PAQR5: variants seen among roughly 807,000 people sequenced by gnomAD.
The protein encoded by PAQR5 is progestin and adipoQ receptor family member 5.
In PAQR5, 20 loss-of-function variants were observed where a neutral mutation model predicts 34.5. The ratio of observed to expected loss-of-function variants is 0.58; its 90% CI spans 0.41 to 0.84. The LOEUF (loss-of-function observed/expected upper bound fraction) is 0.84. Ranked by LOEUF, PAQR5 falls within the 40% of genes least tolerant of loss-of-function variation. The pLI, the probability that PAQR5 is intolerant of heterozygous loss-of-function variation, is 0.00. For synonymous variants in PAQR5, 131 were observed against 155.6 expected, an observed-to-expected ratio of 0.84 and a Z score of 1.18; for missense variants, 378 against 412.7, an observed-to-expected ratio of 0.92 and a Z score of 0.73.
chr15:69,361,837 G>C (rs550863524), intron 3 of PAQR5, among the ~76,000 whole-genome samples: 6 of 152,260 alleles, frequency 3.9e-5, no homozygotes, highest in African/African-American at 1.4e-4. Context: ...ATCAGGGAAG[G>C]CTTCATGAAG....
intron 3 of PAQR5, among the ~76,000 whole-genome samples, chr15:69,377,695 C>T (rs1373514320): frequency 6.6e-6 from 1 of 151,048 alleles, no homozygotes; most frequent in African/African-American, 2.4e-5. Flanking sequence ...AGAGCTGTGA[C>T]CCAGGGCTTC....
chr15:69,316,301 G>C (rs748259435), intron 1 of PAQR5, among the ~76,000 whole-genome samples: 3 of 152,100 alleles, frequency 2.0e-5, no homozygotes, highest in Non-Finnish European at 4.4e-5. Context: ...GGCTGATCTG[G>C]AGCTCCTGAC....
intron 7 of PAQR5, among the ~76,000 whole-genome samples, chr15:69,398,642 C>G (rs2056529691): frequency 6.6e-6 from 1 of 152,186 alleles, no homozygotes; most frequent in African/African-American, 2.4e-5. Context: ...TGTGCTCTGC[C>G]TCTGTGGGTC....
At chr15:69,306,908 C>G (rs2053729651) in intron 1 of PAQR5, among the ~76,000 whole-genome samples, 1 of 152,092 alleles carries the variant, frequency 6.6e-6, no homozygotes, top group Non-Finnish European at 1.5e-5. Context: ...CTTGAGTACT[C>G]TAGATACCTC....
rs1168953195 is a variant in PAQR5 at position 69,300,764 on chromosome 15, TCCTC to T, written c.-277+1717_-277+1720del. On this transcript the variant is annotated intron_variant, in intron 1 of 8. Coordinates refer to ENST00000395407, the MANE Select transcript of PAQR5 (RefSeq NM_017705.4). ...TCTTTCTTTCATTCTTTCTCTTCCT[TCCTC>T]CCTCCCTCTCTCTCTCTCTTTCTTT... is the stretch of plus-strand genomic sequence containing the variant. Among the ~76,000 whole-genome samples, 4 of 32,366 alleles carry T rather than the reference TCCTC, an allele frequency of 1.2e-4. 1 individual carries two copies. The highest frequency in any genetic ancestry group is 3.5e-4 in the African/African-American group (4 of 11,450). The allele number at this position is 32,366 out of a possible 152,430, so 21.2% of individuals were successfully genotyped here.
Position 69,397,406 on chromosome 15 carries a change from G to T in PAQR5, c.513-62G>T, listed in dbSNP as rs113410458. The T allele has an allele frequency of 2.8e-5, 30 of 1,059,678 alleles. No individual in the cohort carries two copies. The Admixed American group carries it at 4.6e-4, about 16-fold the overall frequency. The allele number at this position is 1,059,678 out of a possible 1,614,324, so 65.6% of individuals were successfully genotyped here. A position where few individuals can be genotyped will look rare whatever the true frequency, so the allele number is the denominator to read the frequency against. On this transcript the variant is annotated intron_variant, in intron 6 of 8. Coordinates refer to ENST00000395407, the MANE Select transcript of PAQR5 (RefSeq NM_017705.4). ...AGGCCCTCGGTGTGCATGCATGTGC[G>T]TATGCAATTTGCTGAGACTCTTTTC...
chr15:69,403,889 G>T lies in PAQR5; in HGVS notation c.*67G>T. On this transcript the variant is annotated 3_prime_UTR_variant, in exon 9 of 9. Coordinates refer to ENST00000395407, the MANE Select transcript of PAQR5 (RefSeq NM_017705.4). ...TGCAACATCCTAACCACCATAAGCC[G>T]GAGGTGGTTACAGCTTATCATGGCC... 6.4e-7 allele frequency: 1 copy of T among 1,553,136 alleles called. No homozygotes were observed. The highest frequency in any genetic ancestry group is 8.7e-7 in the Non-Finnish European group (1 of 1,143,934).
At chr15:69,351,597 C>T (rs1387304816) in intron 2 of PAQR5, among the ~76,000 whole-genome samples, 1 of 152,208 alleles carries the variant, frequency 6.6e-6, no homozygotes, top group African/African-American at 2.4e-5. Context: ...AGCCCTTTGT[C>T]GCGATTTAGT....
At position 69,334,123 on chromosome 15, in the gene PAQR5, G is replaced by A. The variant is rs2054456822; in HGVS notation, c.-276-3218G>A. On this transcript the variant is annotated intron_variant, in intron 1 of 8. Coordinates refer to ENST00000395407, the MANE Select transcript of PAQR5 (RefSeq NM_017705.4). ...GCTCACTGCAACCTCCACCTCCCGG[G>A]TTCAAGTGATTCTCCTGCCTCAGCC... Among the ~76,000 whole-genome samples the A allele has an allele frequency of 2.6e-5, 4 of 152,260 alleles. No individual in the cohort carries two copies. In the South Asian group the frequency reaches 8.3e-4, roughly 32 times the overall value.
At chr15:69,329,898 A>G (rs1264639222) in intron 1 of PAQR5, among the ~76,000 whole-genome samples, 1 of 152,224 alleles carries the variant, frequency 6.6e-6, no homozygotes, top group Non-Finnish European at 1.5e-5. Context: ...GGTAAATACC[A>G]CTGGCATTGA....
At position 69,300,704 on chromosome 15, in the gene PAQR5, CTTTCTTTCTTTCTTTCTTTCTTTCTT is replaced by C. The variant is rs1472626378; in HGVS notation, c.-277+1650_-277+1675del. ...CCTTCCTCCCTCCCTCTCTCTCTCT[CTTTCTTTCTTTCTTTCTTTCTTTCTT>C]TCTTTCTTTCTTTCTTTCATTCTTT... On this transcript the variant is annotated intron_variant, in intron 1 of 8. Coordinates refer to ENST00000395407, the MANE Select transcript of PAQR5 (RefSeq NM_017705.4). 1.7e-4 allele frequency among the ~76,000 whole-genome samples: 5 copies of C among 28,578 alleles called. 2 individuals carry two copies. Among genetic ancestry groups the C allele is most frequent in the Non-Finnish European group, 1.5e-4 (2 of 13,646 alleles). The allele number at this position is 28,578 out of a possible 152,430, so 18.7% of individuals were successfully genotyped here. A position where few individuals can be genotyped will look rare whatever the true frequency, so the allele number is the denominator to read the frequency against.
chr15:69,349,615 G>A (rs770354347), intron 2 of PAQR5, among the ~76,000 whole-genome samples: 1 of 151,650 alleles, frequency 6.6e-6, no homozygotes, highest in Non-Finnish European at 1.5e-5. Context: ...AGTTGGAGGT[G>A]TTCGATCTCC....
chr15:69,300,155 C>A (rs75040618), intron 1 of PAQR5, among the ~76,000 whole-genome samples: 2,452 of 152,154 alleles, frequency 0.016, 62 homozygotes, highest in African/African-American at 0.056. Flanking sequence ...TCCCCACCCC[C>A]CTAGGTTCTG....
chr15:69,311,534 A>C (rs76710937), intron 1 of PAQR5, among the ~76,000 whole-genome samples: 3,574 of 152,242 alleles, frequency 0.023, 151 homozygotes, highest in African/African-American at 0.081. Flanking sequence ...GCTCTGAATC[A>C]CTTCCTTATC....
chr15:69,322,809 G>GA lies in PAQR5; in HGVS notation c.-276-14531dup, dbSNP rs1296674915. Among the ~76,000 whole-genome samples the GA allele has an allele frequency of 5.5e-3, 742 of 134,292 alleles. 274 individuals are homozygous for GA. Among genetic ancestry groups the GA allele is most frequent in the African/African-American group, 0.022 (708 of 32,546 alleles). 88.1% of individuals were successfully genotyped at this position (134,292 alleles called of 152,430 possible). A position where few individuals can be genotyped will look rare whatever the true frequency, so the allele number is the denominator to read the frequency against. ...AGACGAGGAAGAAGAAGAAGAGGAA[G>GA]AGGAAGAAGAAGAAGAAGAAGAAGA... On this transcript the variant is annotated intron_variant, in intron 1 of 8. Coordinates refer to ENST00000395407, the MANE Select transcript of PAQR5 (RefSeq NM_017705.4).
intron 1 of PAQR5, among the ~76,000 whole-genome samples, chr15:69,320,670 T>C (rs1245748049): frequency 6.6e-6 from 1 of 152,226 alleles, no homozygotes; most frequent in Non-Finnish European, 1.5e-5. Flanking sequence ...AAAATACACA[T>C]TCTCATTCTA....
intron 6 of PAQR5, chr15:69,397,192 G>C (rs766007699): frequency 1.8e-6 from 1 of 555,390 alleles, no homozygotes; most frequent in South Asian, 1.5e-5. Context: ...AAGGGTTTCT[G>C]CCCAGCGCCT....
intron 3 of PAQR5, among the ~76,000 whole-genome samples, chr15:69,370,832 C>G (rs1414551171): frequency 6.6e-6 from 1 of 152,026 alleles, no homozygotes; most frequent in African/African-American, 2.4e-5. Flanking sequence ...GACAAATGCC[C>G]CTTTATAAGG....
intron 2 of PAQR5, among the ~76,000 whole-genome samples, chr15:69,346,584 A>T (rs377221632): frequency 7.4e-5 from 11 of 149,620 alleles, no homozygotes; most frequent in African/African-American, 2.4e-4. Context: ...TATCACCTTT[A>T]ATGTATTATA....
Sources: allele counts gnomAD v4.1 joint callset (sites outside exome capture counted in the v4.1 genomes callset), GRCh38; gene constraint gnomAD v4.1.1; transcripts MANE v1.5; gene names NCBI Gene and HGNC (gene_info 2026-07-23, HGNC 2026-07-21).